The following PCGF5 variants were observed in gnomAD, a reference collection of about 807,000 sequenced individuals.
PCGF5 encodes the protein polycomb group ring finger 5.
A neutral mutation model predicts 44.3 loss-of-function variants in PCGF5; 9 were observed. The ratio of observed to expected loss-of-function variants is 0.20; its 90% CI spans 0.12 to 0.35. PCGF5 has a LOEUF of 0.35. Ranked by LOEUF, PCGF5 falls within the 10% of genes least tolerant of loss-of-function variation. The probability of loss-of-function intolerance (pLI) is 1.00; values close to 1 mark genes in which losing one functional copy is unlikely to be tolerated. For missense variants in PCGF5, 146 were observed against 305.3 expected (o/e 0.48, Z 3.89); for synonymous variants, 95 against 102.5 (o/e 0.93, Z 0.44).
chr10:91,251,491 T>A (rs369545460), intron 6 of PCGF5, 51 bp downstream of exon 6: 1,064 of 1,531,736 alleles, frequency 6.9e-4, no homozygotes, highest in Non-Finnish European at 8.6e-4. Flanking sequence ...TAGTAAACCC[T>A]TGATAATTTG....
At chr10:91,264,731 G>A (rs375567760) in intron 8 of PCGF5, among the ~76,000 whole-genome samples, 1 of 152,120 alleles carries the variant, frequency 6.6e-6, no homozygotes, top group Admixed American at 6.6e-5. Context: ...TAGATTTAAA[G>A]TGAGATTAAA....
intron 2 of PCGF5, among the ~76,000 whole-genome samples, chr10:91,229,534 T>G (rs1463938655): frequency 6.6e-6 from 1 of 152,210 alleles, no homozygotes; most frequent in Non-Finnish European, 1.5e-5. Flanking sequence ...GATATGTGAC[T>G]CAGGTACATC....
upstream of PCGF5, among the ~76,000 whole-genome samples, chr10:91,218,932 A>G (rs543720784): frequency 5.3e-5 from 8 of 152,186 alleles, no homozygotes; most frequent in South Asian, 1.0e-3. Flanking sequence ...CAGGCCTATT[A>G]TTATTTTTTT....
chr10:91,244,093 T>C (rs1450939258), intron 3 of PCGF5, among the ~76,000 whole-genome samples: 1 of 151,412 alleles, frequency 6.6e-6, no homozygotes, highest in Non-Finnish European at 1.5e-5. Context: ...CAATAAACCA[T>C]ATAATAAGTA....
chr10:91,164,458 A>G (rs2133153985), intron 1 of PCGF5, among the ~76,000 whole-genome samples: 1 of 152,310 alleles, frequency 6.6e-6, no homozygotes, highest in East Asian at 1.9e-4. Flanking sequence ...CTCATTCAGT[A>G]TTTGGTGTCA....
At chr10:91,278,196 A>C in intron 9 of PCGF5, 73 bp from the exon 10 acceptor site, 7 of 1,279,942 alleles carry the variant, frequency 5.5e-6, no homozygotes, top group Non-Finnish European at 7.8e-6. Flanking sequence ...CGAATTCTTA[A>C]AATCTTTCAT....
At chr10:91,175,094 G>A (rs1198268019) in intron 1 of PCGF5, among the ~76,000 whole-genome samples, 1 of 152,112 alleles carries the variant, frequency 6.6e-6, no homozygotes, top group Non-Finnish European at 1.5e-5. Context: ...TTTGGAGTGG[G>A]GCATAAGCCT....
intron 3 of PCGF5, among the ~76,000 whole-genome samples, chr10:91,242,116 G>C (rs1269431554): frequency 1.3e-5 from 2 of 150,696 alleles, no homozygotes; most frequent in East Asian, 1.9e-4. Flanking sequence ...TTGCCCCCGG[G>C]ATACATTTAG....
intron 2 of PCGF5, among the ~76,000 whole-genome samples, chr10:91,232,968 T>A (rs1845050540): frequency 6.6e-6 from 1 of 152,200 alleles, no homozygotes; most frequent in African/African-American, 2.4e-5. Flanking sequence ...TTGCATGTTT[T>A]TCTTCCACAA....
chr10:91,242,309 C>T (rs1589390080), intron 3 of PCGF5, among the ~76,000 whole-genome samples: 1 of 151,650 alleles, frequency 6.6e-6, no homozygotes, highest in African/African-American at 2.4e-5. Context: ...CAAACATTTT[C>T]TCTCAAGTAA....
intron 3 of PCGF5, among the ~76,000 whole-genome samples, chr10:91,244,592 A>G (rs1845410543): frequency 6.6e-6 from 1 of 152,216 alleles, no homozygotes; most frequent in Admixed American, 6.5e-5. Context: ...TGTTGAGAAC[A>G]CCGCGCGTAT....
intron 3 of PCGF5, among the ~76,000 whole-genome samples, chr10:91,241,913 A>G (rs1332583567): frequency 6.6e-6 from 1 of 152,168 alleles, no homozygotes; most frequent in Non-Finnish European, 1.5e-5. Context: ...GTTAGAAGTG[A>G]CAGGTCTCAG....
chr10:91,160,633 A>G (rs1843365507), upstream of PCGF5, among the ~76,000 whole-genome samples: 1 of 151,730 alleles, frequency 6.6e-6, no homozygotes, highest in South Asian at 2.1e-4. Context: ...GGGAGAAGAG[A>G]CTCTGGGGGG....
chr10:91,190,445 C>T (rs938469904), intron 1 of PCGF5, among the ~76,000 whole-genome samples: 2 of 152,142 alleles, frequency 1.3e-5, no homozygotes, highest in Non-Finnish European at 2.9e-5. Context: ...TAATCTGCCC[C>T]ACCTCTCTAA....
At chr10:91,205,590 C>T (rs1844333329) in intron 1 of PCGF5, among the ~76,000 whole-genome samples, 2 of 152,188 alleles carry the variant, frequency 1.3e-5, no homozygotes, top group Non-Finnish European at 2.9e-5. Context: ...TGAACTATTC[C>T]TCTATCCATC....
chr10:91,227,283 A>G (rs1364176842), intron 2 of PCGF5: 2 of 516,072 alleles, frequency 3.9e-6, no homozygotes, highest in East Asian at 1.4e-4. Flanking sequence ...GACTTCAGCT[A>G]CCTGTGCTGA....
upstream of PCGF5, among the ~76,000 whole-genome samples, chr10:91,217,039 CT>C (rs10657090): frequency 1.5e-4 from 22 of 148,548 alleles, no homozygotes; most frequent in Admixed American, 9.4e-4. Flanking sequence ...AAAATTTCAC[CT>C]TTTTTTTTTG....
intron 1 of PCGF5, among the ~76,000 whole-genome samples, chr10:91,175,217 A>G (rs913915461): frequency 2.0e-5 from 3 of 152,202 alleles, no homozygotes; most frequent in African/African-American, 7.2e-5. Flanking sequence ...TTTTTTCTGA[A>G]TAAATTAAAG....
chr10:91,211,699 G>C (rs1041255448), intron 1 of PCGF5, among the ~76,000 whole-genome samples: 5 of 152,218 alleles, frequency 3.3e-5, no homozygotes, highest in African/African-American at 1.2e-4. Flanking sequence ...AAGAGGAAGA[G>C]GAGGAGGAGG....
Sources: gnomAD v4.1 joint callset for allele counts (sites outside exome capture counted in the v4.1 genomes callset) on GRCh38, gnomAD v4.1.1 for gene constraint, MANE v1.5 for transcripts, NCBI Gene and HGNC (gene_info 2026-07-23, HGNC 2026-07-21) for gene names.